CLASP1: variants seen among roughly 807,000 people sequenced by gnomAD.
CLASP1 encodes cytoplasmic linker associated protein 1.
A neutral mutation model predicts 192.3 loss-of-function variants in CLASP1; 38 were observed. The observed-to-expected ratio is 0.20, with a 90% CI of 0.15 to 0.26. The LOEUF is 0.26. CLASP1 is among the 10% of genes least tolerant of loss of function. The probability of loss-of-function intolerance (pLI) is 1.00; values close to 1 mark genes in which losing one functional copy is unlikely to be tolerated. For missense variants in CLASP1, 1,433 were observed against 1,932.5 expected (o/e 0.74, Z 4.85); for synonymous variants, 691 against 712.8 (o/e 0.97, Z 0.49).
At chr2:121,396,396 T>C (rs562268908) in intron 30 of CLASP1, among the ~76,000 whole-genome samples, 1 of 152,350 alleles carries the variant, frequency 6.6e-6, no homozygotes, top group African/African-American at 2.4e-5. Flanking sequence ...TCTGGCAATA[T>C]ATCCAACGTT....
chr2:121,633,997 C>CAA (rs558556369), intron 1 of CLASP1, among the ~76,000 whole-genome samples: 14 of 93,040 alleles, frequency 1.5e-4, no homozygotes, highest in Admixed American at 2.4e-4. Flanking sequence ...GACTCCGTCT[C>CAA]AAAAAAAAAA....
intron 1 of CLASP1, among the ~76,000 whole-genome samples, chr2:121,638,337 G>C (rs2071303785): frequency 2.0e-5 from 3 of 152,072 alleles, no homozygotes. Flanking sequence ...GTGTTGGTGA[G>C]AATGTGGAGA....
chr2:121,460,898 T>A (rs1559292336), intron 11 of CLASP1, among the ~76,000 whole-genome samples: 2 of 152,180 alleles, frequency 1.3e-5, no homozygotes, highest in Non-Finnish European at 1.5e-5. Context: ...ACTAGGCGAT[T>A]CATAAAGGTG....
intron 2 of CLASP1, among the ~76,000 whole-genome samples, chr2:121,590,401 A>G (rs981387343): frequency 3.3e-5 from 5 of 152,248 alleles, no homozygotes; most frequent in African/African-American, 1.2e-4. Context: ...TGAAAGCTAC[A>G]AATGTATAGA....
intron 37 of CLASP1, among the ~76,000 whole-genome samples, chr2:121,360,140 G>C (rs979781133): frequency 6.6e-6 from 1 of 152,200 alleles, no homozygotes; most frequent in Admixed American, 6.5e-5. Context: ...ACGCTGGCAA[G>C]AGAAGGGCAG....
chr2:121,580,586 C>T (rs775354788), intron 2 of CLASP1, among the ~76,000 whole-genome samples: 3 of 152,154 alleles, frequency 2.0e-5, no homozygotes, highest in Non-Finnish European at 2.9e-5. Flanking sequence ...TAGCATGTCC[C>T]CCAAATCACT....
rs189102561 is a variant in CLASP1 at position 121,378,726 on chromosome 2, T to C, written c.3492-1077A>G. Among the ~76,000 whole-genome samples, 271 of 152,280 alleles carry C rather than the reference T, an allele frequency of 1.8e-3. 2 individuals are homozygous for C. Among genetic ancestry groups the C allele is most frequent in the African/African-American group, 6.0e-3 (249 of 41,564 alleles). On this transcript the variant is annotated intron_variant, in intron 33 of 39. Transcript: ENST00000263710. Reference sequence around the variant, plus strand: ...AATTCGTCTAATTTAATTTTTAAAATAGTCCTGAGCTATACTGAGGATTGC... The same window carrying C: ...AATTCGTCTAATTTAATTTTTAAAACAGTCCTGAGCTATACTGAGGATTGC...
exon 7 of CLASP1, chr2:121,515,672 G>C: frequency 6.2e-7 from 1 of 1,613,774 alleles, no homozygotes; most frequent in Non-Finnish European, 8.5e-7. Flanking sequence ...CACCGGGACT[G>C]TGGCAATCCT....
chr2:121,488,719 C>T (rs2093131682), intron 8 of CLASP1, among the ~76,000 whole-genome samples: 1 of 152,206 alleles, frequency 6.6e-6, no homozygotes, highest in African/African-American at 2.4e-5. Context: ...GTACTCTACA[C>T]ACCTTGGGAG....
intron 34 of CLASP1, among the ~76,000 whole-genome samples, chr2:121,370,818 T>G (rs140178160): frequency 6.6e-6 from 1 of 152,288 alleles, no homozygotes; most frequent in Non-Finnish European, 1.5e-5. Context: ...CTTGCCCTCT[T>G]TATTTTCTCC....
intron 19 of CLASP1, among the ~76,000 whole-genome samples, chr2:121,442,044 C>T (rs1315186935): frequency 2.0e-5 from 3 of 152,226 alleles, no homozygotes; most frequent in Admixed American, 1.3e-4. Flanking sequence ...GATTATTCCC[C>T]AAACAAACAA....
At chr2:121,532,738 C>T (rs1418667208) in intron 2 of CLASP1, 2 of 151,856 alleles carry the variant, frequency 1.3e-5, no homozygotes, top group Non-Finnish European at 2.9e-5. Flanking sequence ...GACATTTTTC[C>T]TTAGGTAGAA....
intron 1 of CLASP1, among the ~76,000 whole-genome samples, chr2:121,642,118 A>T (rs1439222074): frequency 6.8e-6 from 1 of 146,746 alleles, no homozygotes; most frequent in Non-Finnish European, 1.5e-5. Context: ...TACATATAAT[A>T]AAAAAAAAAA....
At chr2:121,360,465 C>T (rs138086943) in intron 37 of CLASP1, among the ~76,000 whole-genome samples, 147 of 152,152 alleles carry the variant, frequency 9.7e-4, no homozygotes, top group African/African-American at 3.4e-3. Context: ...TATTACGTGC[C>T]ATATTAATAT....
chr2:121,417,684 G>A (rs1393724317), intron 23 of CLASP1, among the ~76,000 whole-genome samples: 1 of 152,120 alleles, frequency 6.6e-6, no homozygotes, highest in Admixed American at 6.5e-5. Flanking sequence ...AAAGGACAAT[G>A]GGTCATAAAG....
At chr2:121,419,438 G>C (rs765853735) in intron 22 of CLASP1, among the ~76,000 whole-genome samples, 17 of 152,242 alleles carry the variant, frequency 1.1e-4, no homozygotes, top group Admixed American at 9.2e-4. Context: ...AATCTGAAAA[G>C]ATCTGCCTGT....
chr2:121,340,883 G>C, exon 40 of CLASP1: 1 of 1,612,230 alleles, frequency 6.2e-7, no homozygotes, highest in Non-Finnish European at 8.5e-7. Flanking sequence ...GGAGACATCG[G>C]AGGAGGAGCT....
chr2:121,382,175 C>G (rs1296547916), intron 33 of CLASP1, 33 bp downstream of exon 34: 1 of 1,509,352 alleles, frequency 6.6e-7, no homozygotes, highest in East Asian at 2.3e-5. Context: ...AATATTGTGA[C>G]ACCTCAGACA....
intron 22 of CLASP1, among the ~76,000 whole-genome samples, chr2:121,422,481 C>A (rs2079667042): frequency 6.6e-6 from 1 of 152,090 alleles, no homozygotes; most frequent in African/African-American, 2.4e-5. Context: ...GGGCAAACTT[C>A]CAAAATATAA....
Sources: gnomAD v4.1 joint callset for allele counts (sites outside exome capture counted in the v4.1 genomes callset) on GRCh38, gnomAD v4.1.1 for gene constraint, MANE v1.5 for transcripts, NCBI Gene and HGNC (gene_info 2026-07-23, HGNC 2026-07-21) for gene names.